The following GRID2 variants were observed in gnomAD, a reference collection of about 807,000 sequenced individuals.
GRID2 encodes the protein glutamate receptor ionotropic, delta-2.
In GRID2, 33 loss-of-function variants were observed where a neutral mutation model predicts 114.8. The observed-to-expected ratio is 0.29, with a 90% confidence interval of 0.22 to 0.38. GRID2 has a LOEUF of 0.38. GRID2 is among the 10% of genes least tolerant of loss of function. The pLI is 1.00. For synonymous variants in GRID2, 505 were observed against 449.9 expected (o/e 1.12, Z -1.55); for missense variants, 1,184 against 1,257.7 (o/e 0.94, Z 0.89).
intron 2 of GRID2, among the ~76,000 whole-genome samples, chr4:92,615,807 C>A (rs1729979223): frequency 6.6e-6 from 1 of 151,436 alleles, no homozygotes; most frequent in African/African-American, 2.4e-5. Context: ...GCTAGGTATA[C>A]AATATGTGCC....
intron 8 of GRID2, among the ~76,000 whole-genome samples, chr4:93,373,497 A>G (rs1445021466): frequency 6.6e-6 from 1 of 152,140 alleles, no homozygotes; most frequent in Non-Finnish European, 1.5e-5. Context: ...TGCCTCTCCA[A>G]CAAGATGTTA....
intron 2 of GRID2, among the ~76,000 whole-genome samples, chr4:92,782,838 A>G (rs1287959087): frequency 6.6e-6 from 1 of 152,084 alleles, no homozygotes; most frequent in Non-Finnish European, 1.5e-5. Context: ...TCATCTTCCA[A>G]CAGAAGTTGG....
At chr4:93,385,966 A>G (rs1013911618) in intron 8 of GRID2, among the ~76,000 whole-genome samples, 1 of 152,130 alleles carries the variant, frequency 6.6e-6, no homozygotes, top group East Asian at 1.9e-4. Context: ...TACTGTCCAT[A>G]TATGTTAGAT....
chr4:92,981,752 G>A (rs1221172715), intron 2 of GRID2, among the ~76,000 whole-genome samples: 1 of 151,684 alleles, frequency 6.6e-6, no homozygotes, highest in Non-Finnish European at 1.5e-5. Context: ...GGAAAATATT[G>A]GGAATGCATT....
chr4:92,754,238 T>G (rs1291659253), intron 2 of GRID2, among the ~76,000 whole-genome samples: 1 of 152,184 alleles, frequency 6.6e-6, no homozygotes, highest in Non-Finnish European at 1.5e-5. Flanking sequence ...TAGGCTGTTG[T>G]TGCACTATCT....
intron 2 of GRID2, among the ~76,000 whole-genome samples, chr4:92,633,861 T>C (rs569621688): frequency 2.2e-5 from 3 of 135,394 alleles, no homozygotes; most frequent in African/African-American, 8.9e-5. Flanking sequence ...CATTCTACTA[T>C]TTTTTTTTTT....
intron 2 of GRID2, among the ~76,000 whole-genome samples, chr4:92,866,336 A>G (rs373747402): frequency 9.2e-5 from 14 of 152,208 alleles, no homozygotes; most frequent in African/African-American, 3.1e-4. Context: ...AGAAGCTTCC[A>G]TACTGCTTTT....
At chr4:92,444,471 T>C (rs1251648652) in intron 1 of GRID2, among the ~76,000 whole-genome samples, 1 of 152,156 alleles carries the variant, frequency 6.6e-6, no homozygotes, top group African/African-American at 2.4e-5. Context: ...TTTCACAAGG[T>C]AATGTCATCA....
chr4:93,102,909 A>C (rs1180991196), intron 3 of GRID2, among the ~76,000 whole-genome samples: 1 of 151,782 alleles, frequency 6.6e-6, no homozygotes, highest in Non-Finnish European at 1.5e-5. Flanking sequence ...GAAAGATGGA[A>C]ATGTTGACTG....
intron 2 of GRID2, among the ~76,000 whole-genome samples, chr4:92,901,550 T>C (rs997453875): frequency 3.9e-5 from 6 of 152,204 alleles, no homozygotes; most frequent in African/African-American, 1.4e-4. Context: ...GTCCTAGTCA[T>C]AAATTATTTA....
chr4:92,470,184 G>C (rs1481325711), intron 1 of GRID2, among the ~76,000 whole-genome samples: 1 of 151,772 alleles, frequency 6.6e-6, no homozygotes, highest in Non-Finnish European at 1.5e-5. Flanking sequence ...AAATTCTACA[G>C]CTCCATACTT....
chr4:92,897,783 C>CT (rs1298112496), intron 2 of GRID2, among the ~76,000 whole-genome samples: 1 of 152,110 alleles, frequency 6.6e-6, no homozygotes, highest in East Asian at 1.9e-4. Context: ...GTCCCTAATT[C>CT]TTTTGTAAGC....
At chr4:92,731,226 A>C (rs1018157403) in intron 2 of GRID2, among the ~76,000 whole-genome samples, 3 of 138,316 alleles carry the variant, frequency 2.2e-5, no homozygotes, top group Non-Finnish European at 3.1e-5. Flanking sequence ...TTTAGACAAT[A>C]AGTGATTTTT....
At chr4:93,742,161 G>T (rs1234198071) in intron 14 of GRID2, among the ~76,000 whole-genome samples, 1 of 151,794 alleles carries the variant, frequency 6.6e-6, no homozygotes, top group African/African-American at 2.4e-5. Flanking sequence ...TCCTTAAATT[G>T]CCCCCAAATA....
At chr4:92,519,601 TTATATA>T (rs141787614) in intron 1 of GRID2, among the ~76,000 whole-genome samples, 82 of 149,558 alleles carry the variant, frequency 5.5e-4, no homozygotes, top group African/African-American at 1.9e-3. Context: ...ATATATGAGA[TTATATA>T]TATATATGTA....
intron 8 of GRID2, among the ~76,000 whole-genome samples, chr4:93,323,770 A>T (rs898199939): frequency 6.6e-6 from 1 of 151,954 alleles, no homozygotes; most frequent in Admixed American, 6.6e-5. Flanking sequence ...CACAACCCTT[A>T]TAAGTTGGAT....
At chr4:92,911,507 T>C (rs1167333750) in intron 2 of GRID2, among the ~76,000 whole-genome samples, 1 of 151,994 alleles carries the variant, frequency 6.6e-6, no homozygotes, top group Non-Finnish European at 1.5e-5. Context: ...TCTTACCACG[T>C]GTATGCTGTA....
intron 2 of GRID2, among the ~76,000 whole-genome samples, chr4:92,827,191 A>G (rs1741767722): frequency 6.6e-6 from 1 of 152,024 alleles, no homozygotes; most frequent in South Asian, 2.1e-4. Context: ...AGTGTTAGGC[A>G]ATTAAACTAT....
rs1396795228 is a variant in GRID2, at chr4:92,502,052, A to G, written c.89-88079A>G. 2.0e-5 allele frequency among the ~76,000 whole-genome samples: 3 copies of G among 152,268 alleles called. 1 individual carries two copies. The highest frequency in any genetic ancestry group is 4.1e-4 in the South Asian group (2 of 4,826). ...GCTTAACTAATATATGTATCTGTTT[A>G]TTAAAAAATTCCTTTGGAAATTGTT... On this transcript the variant is annotated intron_variant, in intron 1 of 15. Coordinates refer to ENST00000282020, the MANE Select transcript of GRID2 (RefSeq NM_001510.4).
Sources: allele counts gnomAD v4.1 joint callset (sites outside exome capture counted in the v4.1 genomes callset), GRCh38; gene constraint gnomAD v4.1.1; transcripts MANE v1.5; gene names NCBI Gene and HGNC (gene_info 2026-07-23, HGNC 2026-07-21).